The following CNGB3 variants were observed in gnomAD, a reference collection of about 807,000 sequenced individuals.
CNGB3 encodes cyclic nucleotide gated channel subunit beta 3.
CNGB3 carries 86 observed loss-of-function variants against 92.8 expected under a neutral mutation model. That is an observed-to-expected ratio of 0.93 (90% CI 0.78 to 1.11). CNGB3 has a LOEUF of 1.11. CNGB3 is among the 50% of genes least tolerant of loss of function. CNGB3 has a pLI of 0.00. For missense variants in CNGB3, 1,026 were observed against 956.8 expected (o/e 1.07, Z -0.95); for synonymous variants, 333 against 332.7 (o/e 1.00, Z -0.01).
chr8:86,605,129 C>T (rs1469077246), intron 14 of CNGB3, among the ~76,000 whole-genome samples: 1 of 152,136 alleles, frequency 6.6e-6, no homozygotes, highest in East Asian at 1.9e-4. Flanking sequence ...TCTGATTTCT[C>T]TCGTGTTTGC....
chr8:86,726,781 C>A, intron 2 of CNGB3, 124 bp from the exon 3 acceptor site: 1 of 1,061,340 alleles, frequency 9.4e-7, no homozygotes, highest in Non-Finnish European at 1.4e-6. Flanking sequence ...AACACCTCCC[C>A]TGGGACTTCT....
chr8:86,654,134 T>G, intron 6 of CNGB3, 72 bp from the exon 7 acceptor site: 1 of 994,714 alleles, frequency 1.0e-6, no homozygotes, highest in Non-Finnish European at 1.6e-6. Context: ...TTTAAATTTA[T>G]AACTGTTTCT....
chr8:86,633,087 G>A (rs1181230727), intron 10 of CNGB3, among the ~76,000 whole-genome samples, 194 bp from the exon 11 acceptor site: 1 of 152,080 alleles, frequency 6.6e-6, no homozygotes, highest in African/African-American at 2.4e-5. Flanking sequence ...GATGAAACAA[G>A]CCCAAGGAGG....
chr8:86,615,322 C>G (rs1046215607), intron 13 of CNGB3, among the ~76,000 whole-genome samples: 1 of 151,978 alleles, frequency 6.6e-6, no homozygotes, highest in Non-Finnish European at 1.5e-5. Flanking sequence ...AACTACAGAT[C>G]GGCCGGGTGT....
At chr8:86,652,144 A>G (rs940770441) in intron 7 of CNGB3, among the ~76,000 whole-genome samples, 1 of 152,002 alleles carries the variant, frequency 6.6e-6, no homozygotes, top group African/African-American at 2.4e-5. Context: ...GGGAATTGTA[A>G]CACAATGGTA....
chr8:86,729,022 C>T (rs2131673951), intron 2 of CNGB3, among the ~76,000 whole-genome samples: 1 of 152,218 alleles, frequency 6.6e-6, no homozygotes, highest in Non-Finnish European at 1.5e-5. Flanking sequence ...GTGATTCTCC[C>T]ACCTCAGCCT....
intron 15 of CNGB3, among the ~76,000 whole-genome samples, chr8:86,591,227 A>G (rs1375870824): frequency 7.1e-6 from 1 of 140,270 alleles, no homozygotes; most frequent in Non-Finnish European, 1.6e-5. Flanking sequence ...TGGTTATTCT[A>G]GTTATACATT....
intron 3 of CNGB3, among the ~76,000 whole-genome samples, chr8:86,723,600 C>T (rs1825010895): frequency 6.6e-6 from 1 of 152,058 alleles, no homozygotes; most frequent in East Asian, 1.9e-4. Context: ...GAACAGAAAG[C>T]TTTGGTCAGT....
chr8:86,707,404 T>G (rs553887178), intron 3 of CNGB3: 1 of 152,326 alleles, frequency 6.6e-6, no homozygotes, highest in Non-Finnish European at 1.5e-5. Flanking sequence ...TACAGAGTGG[T>G]CAGAAAAGGC....
intron 3 of CNGB3, among the ~76,000 whole-genome samples, chr8:86,674,775 T>C (rs1421824126): frequency 6.6e-6 from 1 of 152,098 alleles, no homozygotes; most frequent in Admixed American, 6.5e-5. Flanking sequence ...GTGTGTGAGA[T>C]AGGGTCTTGC....
intron 13 of CNGB3, among the ~76,000 whole-genome samples, chr8:86,622,708 C>T (rs77625592): frequency 0.018 from 2,807 of 152,274 alleles, 183 homozygotes; most frequent in Admixed American, 0.13. Context: ...AGCCATGGAA[C>T]CTGGCCTGCA....
chr8:86,613,002 T>G (rs1563726806), intron 13 of CNGB3, among the ~76,000 whole-genome samples: 1 of 152,126 alleles, frequency 6.6e-6, no homozygotes, highest in Admixed American at 6.6e-5. Context: ...TCCACAAATA[T>G]CCATAAAACT....
intron 10 of CNGB3, 61 bp downstream of exon 10, chr8:86,643,690 A>G (rs1823234993): frequency 1.3e-6 from 2 of 1,560,708 alleles, no homozygotes; most frequent in South Asian, 2.2e-5. Context: ...TCATAAATTC[A>G]TACAATGAAA....
At chr8:86,641,510 T>C (rs1340036323) in intron 10 of CNGB3, among the ~76,000 whole-genome samples, 1 of 151,928 alleles carries the variant, frequency 6.6e-6, no homozygotes, top group Non-Finnish European at 1.5e-5. Context: ...TATTTTAAAT[T>C]GTCCTTACCA....
intron 2 of CNGB3, among the ~76,000 whole-genome samples, chr8:86,737,470 C>A (rs1185072019): frequency 6.6e-6 from 1 of 151,982 alleles, no homozygotes; most frequent in Non-Finnish European, 1.5e-5. Context: ...GAGAGTGGGG[C>A]CATTTGTTCA....
At chr8:86,672,046 A>G (rs1563749538) in intron 3 of CNGB3, among the ~76,000 whole-genome samples, 1 of 152,244 alleles carries the variant, frequency 6.6e-6, no homozygotes, top group East Asian at 1.9e-4. Context: ...GTAATTTGTT[A>G]TGTGGCAATA....
At chr8:86,676,983 A>AT (rs1323257291) in intron 3 of CNGB3, among the ~76,000 whole-genome samples, 6 of 152,240 alleles carry the variant, frequency 3.9e-5, no homozygotes, top group South Asian at 2.1e-4. Flanking sequence ...AACAGTATGA[A>AT]TTTTTTTTAA....
At chr8:86,728,505 T>C (rs1219605487) in intron 2 of CNGB3, among the ~76,000 whole-genome samples, 1 of 152,228 alleles carries the variant, frequency 6.6e-6, no homozygotes, top group Admixed American at 6.5e-5. Flanking sequence ...AGATCAGATC[T>C]CTGACAAATT....
At chr8:86,643,359 G>T (rs7824288) in intron 10 of CNGB3, among the ~76,000 whole-genome samples, 9,637 of 151,294 alleles carry the variant, frequency 0.064, 1,001 homozygotes, top group African/African-American at 0.21. Context: ...ACCCTACTCT[G>T]TTGCAAACGT....
Sources: gnomAD v4.1 joint callset for allele counts (sites outside exome capture counted in the v4.1 genomes callset) on GRCh38, gnomAD v4.1.1 for gene constraint, MANE v1.5 for transcripts, NCBI Gene and HGNC (gene_info 2026-07-23, HGNC 2026-07-21) for gene names.